PDE8B: variants seen among roughly 807,000 people sequenced by gnomAD.
PDE8B encodes the protein high affinity cAMP-specific and IBMX-insensitive 3',5'-cyclic phosphodiesterase 8B.
Under a neutral mutation model 101.3 loss-of-function variants are expected in PDE8B, and 26 were observed. The observed-to-expected ratio is 0.26, with a 90% CI of 0.19 to 0.36. PDE8B has a LOEUF of 0.36. Ranked by LOEUF, PDE8B falls within the 10% of genes least tolerant of loss-of-function variation. PDE8B has a pLI of 1.00. For missense variants in PDE8B, 810 were observed against 1,163.1 expected (o/e 0.70, Z 4.42); for synonymous variants, 424 against 429.3 (o/e 0.99, Z 0.15).
intron 10 of PDE8B, among the ~76,000 whole-genome samples, chr5:77,364,757 G>A (rs1311376232): frequency 6.6e-6 from 1 of 152,068 alleles, no homozygotes. Flanking sequence ...GGAAGAAAAG[G>A]GCCAGGTCTC....
intron 3 of PDE8B, among the ~76,000 whole-genome samples, chr5:77,327,384 A>G (rs528692186): frequency 3.7e-4 from 56 of 152,318 alleles, no homozygotes; most frequent in Admixed American, 2.0e-3. Context: ...AACCCAAAAG[A>G]TGGAAGCCAG....
intron 15 of PDE8B, 55 bp from the exon 16 acceptor site, chr5:77,412,045 G>C: frequency 6.3e-7 from 1 of 1,588,854 alleles, no homozygotes. Flanking sequence ...ACAGACACCC[G>C]GGCACTCAAG....
chr5:77,422,836 C>A (rs538188890), intron 20 of PDE8B, among the ~76,000 whole-genome samples: 154 of 152,232 alleles, frequency 1.0e-3, no homozygotes, highest in African/African-American at 3.4e-3. Context: ...TAGATGATGC[C>A]TAGGAAGACT....
chr5:77,357,968 G>A (rs1004625024), intron 10 of PDE8B, among the ~76,000 whole-genome samples: 2 of 152,180 alleles, frequency 1.3e-5, no homozygotes, highest in Admixed American at 6.5e-5. Flanking sequence ...CGCCAGGCCA[G>A]CCTTCTCTTG....
intron 6 of PDE8B, among the ~76,000 whole-genome samples, chr5:77,341,023 A>G (rs927601804): frequency 2.0e-5 from 3 of 152,194 alleles, no homozygotes; most frequent in Admixed American, 1.3e-4. Context: ...CCTGAAGAAT[A>G]AAACATAAAG....
chr5:77,308,699 C>T (rs1251274758), intron 1 of PDE8B, among the ~76,000 whole-genome samples: 1 of 152,168 alleles, frequency 6.6e-6, no homozygotes, highest in Non-Finnish European at 1.5e-5. Flanking sequence ...TGGCCATTGC[C>T]TGTCTGCCCC....
the PDE8B span, chr5:77,113,360 C>T: frequency 6.6e-6 from 1 of 152,218 alleles, no homozygotes; most frequent in African/African-American, 2.4e-5. Flanking sequence ...AATAACACCA[C>T]ACATCTACAA....
At chr5:77,168,630 C>A in the PDE8B span, among the ~76,000 whole-genome samples, 1 of 152,202 alleles carries the variant, frequency 6.6e-6, no homozygotes, top group East Asian at 1.9e-4. Flanking sequence ...TAGGGATGTG[C>A]CTGTGATGGG....
chr5:77,117,487 C>T, the PDE8B span, among the ~76,000 whole-genome samples: 1 of 152,078 alleles, frequency 6.6e-6, no homozygotes, highest in African/African-American at 2.4e-5. Flanking sequence ...TCACTGTCAC[C>T]CCAACCACTT....
chr5:77,099,799 A>G, the PDE8B span, among the ~76,000 whole-genome samples: 33,636 of 151,822 alleles, frequency 0.22, 4,433 homozygotes, highest in Admixed American at 0.34. Flanking sequence ...TAGTAGAAAC[A>G]GGGTTTCACC....
chr5:77,090,173 A>C, the PDE8B span, among the ~76,000 whole-genome samples: 1 of 152,252 alleles, frequency 6.6e-6, no homozygotes, highest in Non-Finnish European at 1.5e-5. Flanking sequence ...CAAACAGATA[A>C]GATGGAATAA....
rs947930027 is a variant in PDE8B at position 77,290,911 on chromosome 5, T to C, written c.340-21083T>C. The C allele has an allele frequency of 4.4e-6, 7 of 1,607,052 alleles. No individual in the cohort carries two copies. In the African/African-American group the frequency reaches 8.0e-5, roughly 18 times the overall value. On this transcript the variant is annotated intron_variant, in intron 1 of 21. Transcript: ENST00000264917. ...GCCAAGGTTCTGGAGGACAACAAGCTGCTTGGTGCAATTTGTTCCTTGACT... is the reference window on the plus strand; with the variant it reads ...GCCAAGGTTCTGGAGGACAACAAGCCGCTTGGTGCAATTTGTTCCTTGACT...
At chr5:77,307,863 C>T (rs911479626) in intron 1 of PDE8B, among the ~76,000 whole-genome samples, 2 of 152,186 alleles carry the variant, frequency 1.3e-5, no homozygotes, top group African/African-American at 4.8e-5. Flanking sequence ...TATGCCCCCA[C>T]CCCTGCATTT....
chr5:77,295,972 C>T (rs1055945468), intron 1 of PDE8B, among the ~76,000 whole-genome samples: 2 of 152,108 alleles, frequency 1.3e-5, no homozygotes, highest in African/African-American at 2.4e-5. Flanking sequence ...TAGCTTTTTC[C>T]CAGCATTGCT....
At chr5:77,352,297 A>G (rs1022033724) in intron 9 of PDE8B, among the ~76,000 whole-genome samples, 2 of 152,154 alleles carry the variant, frequency 1.3e-5, no homozygotes, top group Non-Finnish European at 2.9e-5. Flanking sequence ...TTTTATCCTC[A>G]TCCTTATACC....
chr5:77,296,007 T>C (rs1236459938), intron 1 of PDE8B, among the ~76,000 whole-genome samples: 6 of 152,172 alleles, frequency 3.9e-5, no homozygotes, highest in Non-Finnish European at 2.9e-5. Flanking sequence ...ATAAACTGAG[T>C]GGACTAGCCC....
intron 1 of PDE8B, among the ~76,000 whole-genome samples, chr5:77,230,569 C>T (rs114860629): frequency 0.019 from 2,913 of 152,270 alleles, 42 homozygotes; most frequent in Non-Finnish European, 0.028. Context: ...GAGGTTCAAG[C>T]GATTCTCCTG....
intron 20 of PDE8B, among the ~76,000 whole-genome samples, chr5:77,422,852 G>A (rs1796965188): frequency 6.6e-6 from 1 of 152,238 alleles, no homozygotes; most frequent in South Asian, 2.1e-4. Context: ...AGACTGGGAA[G>A]GGGAGTGACC....
At chr5:77,149,730 G>T in the PDE8B span, among the ~76,000 whole-genome samples, 1 of 151,994 alleles carries the variant, frequency 6.6e-6, no homozygotes, top group Non-Finnish European at 1.5e-5. Flanking sequence ...TAAATTCTTC[G>T]ATTAGTTCTA....
Sources: gnomAD v4.1 joint callset for allele counts (sites outside exome capture counted in the v4.1 genomes callset) on GRCh38, gnomAD v4.1.1 for gene constraint, MANE v1.5 for transcripts, NCBI Gene and HGNC (gene_info 2026-07-23, HGNC 2026-07-21) for gene names.